Variants in ZNF346 observed in about 807,000 individuals in gnomAD.
ZNF346 encodes double-stranded RNA-binding zinc finger protein JAZ.
A neutral mutation model predicts 33.7 loss-of-function variants in ZNF346; 23 were observed. The observed-to-expected ratio is 0.68, with a 90% CI of 0.49 to 0.97. The LOEUF (loss-of-function observed/expected upper bound fraction) is 0.97, where lower values mean the gene tolerates loss of function less well. Ranked by LOEUF, ZNF346 falls within the 50% of genes least tolerant of loss-of-function variation. ZNF346 has a pLI of 0.00. For synonymous variants in ZNF346, 134 were observed against 142.4 expected (o/e 0.94, Z 0.42); for missense variants, 340 against 371.1 (o/e 0.92, Z 0.69).
At chr5:177,040,333 G>A (rs1209589863) in intron 1 of ZNF346, among the ~76,000 whole-genome samples, 5 of 151,982 alleles carry the variant, frequency 3.3e-5, no homozygotes, top group South Asian at 2.1e-4. Flanking sequence ...TATATAATAC[G>A]TTATGTGATT....
intron 1 of ZNF346, among the ~76,000 whole-genome samples, chr5:177,025,433 T>C (rs1776619996): frequency 1.3e-5 from 2 of 152,208 alleles, no homozygotes; most frequent in South Asian, 4.1e-4. Flanking sequence ...AGAGTGGAAT[T>C]GCTGGGTCAT....
Position 177,028,040 on chromosome 5 carries a change from C to CTTTTTTTT in ZNF346, c.175+5152_175+5159dup, listed in dbSNP as rs10682528. On this transcript the variant is annotated intron_variant, in intron 1 of 6. Coordinates refer to ENST00000358149, the MANE Select transcript of ZNF346 (RefSeq NM_012279.4). ...GAATATTTTGTTTCTCCTTGTGTCA[C>CTTTTTTTT]TTTTTTTTTTTTTTTTTTTTTTTTT... 5.7e-4 allele frequency among the ~76,000 whole-genome samples: 19 copies of CTTTTTTTT among 33,540 alleles called. 4 individuals carry two copies. Among genetic ancestry groups the CTTTTTTTT allele is most frequent in the African/African-American group, 1.8e-3 (13 of 7,218 alleles). The allele number at this position is 33,540 out of a possible 152,430, so 22.0% of individuals were successfully genotyped here.
chr5:177,029,314 G>GA (rs1169119385), intron 1 of ZNF346, among the ~76,000 whole-genome samples: 3 of 152,170 alleles, frequency 2.0e-5, no homozygotes, highest in Non-Finnish European at 4.4e-5. Flanking sequence ...TCATGTGCTG[G>GA]AAGTGTGGCA....
In ZNF346 at chr5:177,064,944, C is replaced by T; in HGVS notation, c.*345C>T. The T allele has an allele frequency of 4.1e-6, 1 of 245,772 alleles. No individual in the cohort carries two copies. The highest frequency in any genetic ancestry group is 7.9e-6 in the Non-Finnish European group (1 of 126,646). The allele number at this position is 245,772 out of a possible 1,614,324, so 15.2% of individuals were successfully genotyped here. ...CTTTCCTCTAAAGGTCAGTTTTGGGCCAGTTCTTGCAACTAAAGAGCAGAG... is the reference window on the plus strand; with the variant it reads ...CTTTCCTCTAAAGGTCAGTTTTGGGTCAGTTCTTGCAACTAAAGAGCAGAG... On this transcript the variant is annotated 3_prime_UTR_variant, in exon 7 of 7. Transcript: ENST00000358149.
In ZNF346 at chr5:177,066,612, A is replaced by G. The variant is rs1783191079; in HGVS notation, c.*2013A>G. Among the ~76,000 whole-genome samples the G allele has an allele frequency of 6.6e-6, 1 of 152,040 alleles. No homozygotes were observed. Reference sequence around the variant, plus strand: ...GCCAGGTGCGGCGTCATGCACCTATAGTCCCAGCTGCTCAGGAGGCTAAGG... The same window carrying G: ...GCCAGGTGCGGCGTCATGCACCTATGGTCCCAGCTGCTCAGGAGGCTAAGG... On this transcript the variant is annotated 3_prime_UTR_variant, in exon 7 of 7. Transcript: ENST00000358149.
At chr5:177,037,458 G>A (rs773629978) in intron 1 of ZNF346, among the ~76,000 whole-genome samples, 1 of 151,996 alleles carries the variant, frequency 6.6e-6, no homozygotes, top group East Asian at 1.9e-4. Context: ...CTCACATAAC[G>A]AAAAGTCTTT....
At chr5:177,037,924 T>G (rs1457663993) in intron 1 of ZNF346, among the ~76,000 whole-genome samples, 1 of 152,082 alleles carries the variant, frequency 6.6e-6, no homozygotes, top group Non-Finnish European at 1.5e-5. Context: ...TTCCTACCAT[T>G]CTTCTCTCAT....
At chr5:177,036,959 C>T (rs1332802573) in intron 1 of ZNF346, among the ~76,000 whole-genome samples, 4 of 151,794 alleles carry the variant, frequency 2.6e-5, no homozygotes, top group African/African-American at 9.7e-5. Context: ...TTGTTTTTCC[C>T]CATCTGGGGA....
In ZNF346 at chr5:177,050,531, A is replaced by G. The variant is rs532259621; in HGVS notation, c.518-220A>G. Reference sequence around the variant, plus strand: ...AATAGCCAGTCTTTGGGCTCCCTCAAATCTTCCCAGGTTTCCCAATTAGAG... The same window carrying G: ...AATAGCCAGTCTTTGGGCTCCCTCAGATCTTCCCAGGTTTCCCAATTAGAG... On this transcript the variant is annotated intron_variant, in intron 4 of 6. Transcript: ENST00000358149. 7.9e-5 allele frequency among the ~76,000 whole-genome samples: 12 copies of G among 152,148 alleles called. No homozygotes were observed. In the East Asian group the frequency reaches 1.9e-3, roughly 25 times the overall value.
At chr5:177,023,130 T>G in intron 1 of ZNF346, 2 of 1,489,336 alleles carry the variant, frequency 1.3e-6, no homozygotes, top group Non-Finnish European at 1.8e-6. Context: ...GCCCTGGGTT[T>G]TCCTCCTCCT....
intron 1 of ZNF346, among the ~76,000 whole-genome samples, chr5:177,025,860 A>C (rs1310641530): frequency 6.6e-6 from 1 of 152,116 alleles, no homozygotes; most frequent in Non-Finnish European, 1.5e-5. Flanking sequence ...GAAGCACAAA[A>C]GTTTTAAGTT....
At chr5:177,025,052 C>T (rs764187649) in intron 1 of ZNF346, among the ~76,000 whole-genome samples, 2 of 152,170 alleles carry the variant, frequency 1.3e-5, no homozygotes, top group Non-Finnish European at 2.9e-5. Flanking sequence ...TAGCCATTAC[C>T]ACAGTCCACT....
At chr5:177,031,099 G>A (rs1304179004) in intron 1 of ZNF346, among the ~76,000 whole-genome samples, 3 of 151,928 alleles carry the variant, frequency 2.0e-5, no homozygotes, top group Non-Finnish European at 4.4e-5. Context: ...GCAGTGGCGC[G>A]ATCTCGGCTC....
At chr5:177,038,876 TTGTGTGTGTGTGTGTG>T (rs56812954) in intron 1 of ZNF346, among the ~76,000 whole-genome samples, 5 of 135,356 alleles carry the variant, frequency 3.7e-5, no homozygotes, top group African/African-American at 5.6e-5. Flanking sequence ...CTTCTTCTTC[TTGTGTGTGTGTGTGTG>T]TGTGTGTGTG....
At chr5:177,034,739 G>T (rs1446250800) in intron 1 of ZNF346, among the ~76,000 whole-genome samples, 3 of 152,178 alleles carry the variant, frequency 2.0e-5, no homozygotes, top group African/African-American at 7.2e-5. Context: ...ATGCAGAAAT[G>T]CAGTAAAGAC....
At chr5:177,058,246 A>G (rs892433683) in intron 5 of ZNF346, among the ~76,000 whole-genome samples, 2 of 151,792 alleles carry the variant, frequency 1.3e-5, no homozygotes, top group Non-Finnish European at 2.9e-5. Flanking sequence ...AGGCTGAGGC[A>G]GGCGGATCAC....
rs1783296104 is a variant in ZNF346, at chr5:177,067,734, G to T, written c.*3135G>T. ...GATGCAGGAGCTGACTCAGCCAAGG[G>T]CATGAAAAAGCTGGAGAGGTTGGAA... On this transcript the variant is annotated 3_prime_UTR_variant, in exon 7 of 7. Transcript: ENST00000358149. 1.3e-5 allele frequency among the ~76,000 whole-genome samples: 2 copies of T among 152,150 alleles called. 1 individual carries two copies. Among genetic ancestry groups the T allele is most frequent in the South Asian group, 4.1e-4 (2 of 4,824 alleles).
chr5:177,064,730 C>T lies in ZNF346; in HGVS notation c.*131C>T. On this transcript the variant is annotated 3_prime_UTR_variant, in exon 7 of 7. Transcript: ENST00000358149. ...ACGGGCCTGAGGCAGGATTGGGCCA[C>T]AGACAGCCTCTCATTGGTCCGGGCT... 2.8e-6 allele frequency: 2 copies of T among 715,804 alleles called. No homozygotes were observed. 44.3% of individuals were successfully genotyped at this position (715,804 alleles called of 1,614,324 possible).
intron 1 of ZNF346, among the ~76,000 whole-genome samples, chr5:177,033,462 C>T (rs17078712): frequency 0.13 from 19,993 of 152,218 alleles, 3,099 homozygotes; most frequent in African/African-American, 0.37. Flanking sequence ...AAATAGGTTT[C>T]ATCTTCCTAA....
Sources: allele counts gnomAD v4.1 joint callset (sites outside exome capture counted in the v4.1 genomes callset), GRCh38; gene constraint gnomAD v4.1.1; transcripts MANE v1.5; gene names NCBI Gene and HGNC (gene_info 2026-07-23, HGNC 2026-07-21).